FBLN2: variants seen among roughly 807,000 people sequenced by gnomAD.
The protein encoded by FBLN2 is fibulin-2.
A neutral mutation model predicts 123.7 loss-of-function variants in FBLN2; 81 were observed. That is an observed-to-expected ratio of 0.65 (90% CI 0.55 to 0.79). FBLN2 has a LOEUF of 0.79. Ranked by LOEUF, FBLN2 falls within the 30% of genes least tolerant of loss-of-function variation. FBLN2 has a pLI of 0.00. For synonymous variants in FBLN2, 699 were observed against 701.4 expected, an observed-to-expected ratio of 1.00 and a Z score of 0.05; for missense variants, 1,603 against 1,681.3, an observed-to-expected ratio of 0.95 and a Z score of 0.81.
chr3:13,587,009 GT>G (rs1000379309), intron 2 of FBLN2, among the ~76,000 whole-genome samples: 61 of 151,626 alleles, frequency 4.0e-4, no homozygotes, highest in African/African-American at 1.3e-3. Context: ...GCCGGTCACA[GT>G]GGCGCAGGGC....
intron 2 of FBLN2, among the ~76,000 whole-genome samples, chr3:13,599,685 A>G (rs948892019): frequency 2.6e-5 from 4 of 151,492 alleles, no homozygotes; most frequent in African/African-American, 2.4e-5. Context: ...CCTGTGAGTG[A>G]TAGACTGGAG....
At chr3:13,604,215 T>C (rs935130046) in intron 2 of FBLN2, among the ~76,000 whole-genome samples, 11 of 152,362 alleles carry the variant, frequency 7.2e-5, no homozygotes, top group African/African-American at 2.4e-4. Context: ...TTTCTTTTGC[T>C]GTGCAGAAGC....
In FBLN2 at chr3:13,629,878, A is replaced by T. The variant is rs1256064859; in HGVS notation, c.2901A>T (p.Thr967=). The T allele has an allele frequency of 1.9e-6, 3 of 1,598,934 alleles. No homozygotes were observed. Among genetic ancestry groups the T allele is most frequent in the Non-Finnish European group, 2.6e-6 (3 of 1,173,976 alleles). The change falls in exon 14 of 18, where the codon ACA becomes ACT. Residue 967 remains threonine (T), a synonymous_variant. Coordinates refer to ENST00000404922, the MANE Select transcript of FBLN2 (RefSeq NM_001004019.2). ...TGTGCCAGCACACGTGTGAGAACAC[A>T]CTCGGCTCCTACCGCTGTTCCTGCG... The part of the protein sequence containing the change: ...GRLCQHTCEN[T]LGSYRCSCAS...
chr3:13,599,841 G>C (rs1704965269), intron 2 of FBLN2, among the ~76,000 whole-genome samples: 2 of 151,640 alleles, frequency 1.3e-5, no homozygotes, highest in African/African-American at 4.9e-5. Flanking sequence ...AGACATCTGG[G>C]GTGGTTTCTT....
rs1267383199 is a variant in FBLN2, at chr3:13,637,692, C to T, written c.3469C>T (p.Pro1157Ser). ...PAHIFRIGPA[P>S]AFTGDTIALN... is the part of the protein sequence containing the mutation. ...GCATATCTTCCGCATTGGCCCCGCG[C>T]CAGCCTTCACGGGGGACACCATCGC... Residue 1157 changes from proline (P) to serine (S), a missense_variant, in exon 18 of 18, where the codon CCA (proline) becomes TCA (serine). Physicochemically the swap from Pro to Ser is moderately conservative, Grantham distance 74 (BLOSUM62 -1). Transcript: ENST00000404922. 2 of 1,614,016 alleles carry T rather than the reference C, an allele frequency of 1.2e-6. No homozygotes were observed. Among genetic ancestry groups the T allele is most frequent in the Non-Finnish European group, 1.7e-6 (2 of 1,179,892 alleles).
chr3:13,574,068 G>T (rs940324378), intron 2 of FBLN2, among the ~76,000 whole-genome samples: 1 of 152,174 alleles, frequency 6.6e-6, no homozygotes, highest in East Asian at 1.9e-4. Flanking sequence ...TGAGGACTAC[G>T]CGGCTCAGCA....
intron 1 of FBLN2, among the ~76,000 whole-genome samples, chr3:13,568,246 G>A (rs1703808178): frequency 6.6e-6 from 1 of 152,142 alleles, no homozygotes; most frequent in South Asian, 2.1e-4. Context: ...CTCCACCGCA[G>A]CCTTCCCTGC....
chr3:13,549,740 G>A (rs943967926), intron 1 of FBLN2, among the ~76,000 whole-genome samples: 4 of 151,430 alleles, frequency 2.6e-5, no homozygotes, highest in African/African-American at 7.3e-5. Context: ...GTTTCTGCAC[G>A]CTCTGCATTG....
intron 2 of FBLN2, among the ~76,000 whole-genome samples, chr3:13,602,860 G>A (rs547211745): frequency 6.6e-6 from 1 of 151,552 alleles, no homozygotes; most frequent in Non-Finnish European, 1.5e-5. Context: ...TGCCAATAAC[G>A]ACTGTTGTTT....
intron 10 of FBLN2, among the ~76,000 whole-genome samples, chr3:13,626,931 C>T (rs1706063162): frequency 6.6e-6 from 1 of 152,110 alleles, no homozygotes; most frequent in South Asian, 2.1e-4. Flanking sequence ...GTCCCTTTTA[C>T]TGGAAAATTC....
At chr3:13,636,016 T>G (rs13077432) in intron 16 of FBLN2, among the ~76,000 whole-genome samples, 106,992 of 151,530 alleles carry the variant, frequency 0.71, 37,879 homozygotes, top group East Asian at 0.78. Flanking sequence ...ATGAGAAGCC[T>G]CCAGCAGTAG....
chr3:13,577,676 A>G (rs549514250), intron 2 of FBLN2, among the ~76,000 whole-genome samples: 33 of 152,354 alleles, frequency 2.2e-4, no homozygotes, highest in Non-Finnish European at 4.6e-4. Context: ...CCCAGAGCAC[A>G]GCTGTGCATA....
intron 2 of FBLN2, among the ~76,000 whole-genome samples, chr3:13,606,729 A>C (rs533127005): frequency 1.3e-5 from 2 of 152,110 alleles, no homozygotes; most frequent in African/African-American, 4.8e-5. Flanking sequence ...TCAGCTCACC[A>C]CAACCTCCGC....
chr3:13,624,141 A>C (rs1006662238), intron 9 of FBLN2, among the ~76,000 whole-genome samples: 2 of 152,212 alleles, frequency 1.3e-5, no homozygotes, highest in African/African-American at 4.8e-5. Context: ...CAGTGCTTGA[A>C]TGATGGGTAC....
chr3:13,582,577 T>G (rs1048810333), intron 2 of FBLN2, among the ~76,000 whole-genome samples: 1 of 152,178 alleles, frequency 6.6e-6, no homozygotes. Flanking sequence ...TGGGGCCAAG[T>G]TGCAGTGAGA....
At chr3:13,549,613 C>G (rs1574935751) in intron 1 of FBLN2, among the ~76,000 whole-genome samples, 1 of 150,434 alleles carries the variant, frequency 6.6e-6, no homozygotes, top group African/African-American at 2.4e-5. Flanking sequence ...CCCCTCCAGT[C>G]CAGAGGGCCG....
intron 14 of FBLN2, among the ~76,000 whole-genome samples, chr3:13,630,280 G>A (rs138698530): frequency 3.6e-3 from 553 of 152,320 alleles, no homozygotes; most frequent in Non-Finnish European, 4.8e-3. Flanking sequence ...TGCGGGACGC[G>A]CCTGTGGCTG....
intron 2 of FBLN2, among the ~76,000 whole-genome samples, chr3:13,575,104 C>T (rs1704093643): frequency 6.6e-6 from 1 of 152,206 alleles, no homozygotes; most frequent in African/African-American, 2.4e-5. Context: ...CGTCGCATTT[C>T]TAATTGCTCA....
intron 2 of FBLN2, among the ~76,000 whole-genome samples, chr3:13,602,123 G>C (rs1021013091): frequency 1.3e-5 from 2 of 152,186 alleles, no homozygotes; most frequent in Non-Finnish European, 2.9e-5. Context: ...AATTATCTCT[G>C]TAAATTTTAT....
Sources: allele counts gnomAD v4.1 joint callset (sites outside exome capture counted in the v4.1 genomes callset), GRCh38; gene constraint gnomAD v4.1.1; transcripts MANE v1.5; gene names NCBI Gene and HGNC (gene_info 2026-07-23, HGNC 2026-07-21).